Variants in SNX13 observed in about 807,000 individuals in gnomAD.
The protein encoded by SNX13 is sorting nexin 13.
SNX13 carries 45 observed loss-of-function variants against 133.6 expected under a neutral mutation model. The observed-to-expected ratio is 0.34, with a 90% CI of 0.27 to 0.43. The LOEUF (loss-of-function observed/expected upper bound fraction) is 0.43, where lower values mean the gene tolerates loss of function less well. SNX13 is among the 20% of genes least tolerant of loss of function. SNX13 has a pLI of 1.00. For synonymous variants in SNX13, 414 were observed against 373.9 expected (o/e 1.11, Z -1.24); for missense variants, 1,032 against 1,145.1 (o/e 0.90, Z 1.43).
intron 20 of SNX13, among the ~76,000 whole-genome samples, chr7:17,804,901 T>G (rs1785015993): frequency 6.6e-6 from 1 of 152,174 alleles, no homozygotes; most frequent in South Asian, 2.1e-4. Context: ...CACTCTAATT[T>G]TATTTTCATA....
At chr7:17,897,241 A>C in intron 2 of SNX13, 93 bp downstream of exon 2, 2 of 616,424 alleles carry the variant, frequency 3.2e-6, no homozygotes, top group Non-Finnish European at 4.9e-6. Context: ...AATGGCATTC[A>C]CAAATAAATC....
intron 1 of SNX13, among the ~76,000 whole-genome samples, chr7:17,924,113 G>C (rs1800449810): frequency 6.6e-6 from 1 of 152,060 alleles, no homozygotes; most frequent in Non-Finnish European, 1.5e-5. Flanking sequence ...GACACCAAAA[G>C]CAACAAGGTA....
intron 13 of SNX13, among the ~76,000 whole-genome samples, chr7:17,836,517 C>T (rs569861582): frequency 5.1e-4 from 78 of 151,926 alleles, no homozygotes; most frequent in Non-Finnish European, 7.2e-4. Flanking sequence ...AAAAACAAAA[C>T]AACAACAAAA....
At chr7:17,832,042 A>G in intron 15 of SNX13, 1 of 983,692 alleles carries the variant, frequency 1.0e-6, no homozygotes, top group African/African-American at 1.7e-5. Context: ...AATATTAGAG[A>G]GCAATGTCCT....
Position 17,799,019 on chromosome 7 carries a change from T to G in SNX13, c.2434A>C (p.Thr812Pro). The change falls in exon 23 of 26, where the codon ACT becomes CCT. Residue 812 changes from threonine to proline, a missense_variant. Coordinates refer to ENST00000428135, the MANE Select transcript of SNX13 (RefSeq NM_015132.5). The stretch of plus-strand genomic sequence containing the variant: ...AGGAAAGAGTGCTACCTATTAATAG[T>G]ATCGCCATATGTAGCTCTAATAAGC... ...QQLIRATYGD[T>P]INRKIVDHVD... 6.2e-7 allele frequency: 1 copy of G among 1,609,382 alleles called. No homozygotes were observed. The highest frequency in any genetic ancestry group is 8.5e-7 in the Non-Finnish European group (1 of 1,177,398).
intron 9 of SNX13, among the ~76,000 whole-genome samples, chr7:17,855,550 C>T (rs565647945): frequency 1.3e-5 from 2 of 152,174 alleles, no homozygotes; most frequent in South Asian, 2.1e-4. Flanking sequence ...AATTCTAGGG[C>T]CCTTAGGAAT....
intron 18 of SNX13, among the ~76,000 whole-genome samples, 176 bp from the exon 19 acceptor site, chr7:17,816,465 C>G (rs1786676527): frequency 6.6e-6 from 1 of 152,158 alleles, no homozygotes; most frequent in African/African-American, 2.4e-5. Context: ...AGTTTGAGAT[C>G]AGCCTGACCA....
chr7:17,875,859 TGAC>T, intron 5 of SNX13, 69 bp from the exon 6 acceptor site: 3 of 1,258,408 alleles, frequency 2.4e-6, no homozygotes, highest in Non-Finnish European at 3.3e-6. Flanking sequence ...TTCATTTTAA[TGAC>T]TACTGACAAA....
At chr7:17,807,156 A>G (rs1017470914) in intron 20 of SNX13, among the ~76,000 whole-genome samples, 1 of 152,110 alleles carries the variant, frequency 6.6e-6, no homozygotes, top group African/African-American at 2.4e-5. Flanking sequence ...CAAGTGGTCT[A>G]GCTCAGCAGA....
chr7:17,830,206 T>C, intron 15 of SNX13, 159 bp from the exon 16 acceptor site: 1 of 944,198 alleles, frequency 1.1e-6, no homozygotes. Context: ...CCCAAAAACT[T>C]GATCCCTTAA....
At chr7:17,903,706 A>C (rs1397509146) in intron 1 of SNX13, among the ~76,000 whole-genome samples, 1 of 152,156 alleles carries the variant, frequency 6.6e-6, no homozygotes, top group Non-Finnish European at 1.5e-5. Context: ...ACAAATCTTG[A>C]CTCTTTAACC....
intron 20 of SNX13, among the ~76,000 whole-genome samples, chr7:17,805,728 G>T (rs1562665130): frequency 6.6e-6 from 1 of 152,144 alleles, no homozygotes; most frequent in Non-Finnish European, 1.5e-5. Flanking sequence ...TACTACCATT[G>T]ATACTCTAAG....
chr7:17,806,131 G>A (rs1785270646), intron 20 of SNX13, among the ~76,000 whole-genome samples: 1 of 152,104 alleles, frequency 6.6e-6, no homozygotes, highest in Admixed American at 6.5e-5. Context: ...CACCCCAGCT[G>A]AGTTATTTGT....
chr7:17,811,123 A>C (rs1785963284), intron 20 of SNX13, among the ~76,000 whole-genome samples: 1 of 152,226 alleles, frequency 6.6e-6, no homozygotes, highest in Non-Finnish European at 1.5e-5. Context: ...ACTCCTGTTC[A>C]ACACAGTATT....
At chr7:17,905,577 C>G (rs767185755) in intron 1 of SNX13, among the ~76,000 whole-genome samples, 1 of 152,140 alleles carries the variant, frequency 6.6e-6, no homozygotes, top group Non-Finnish European at 1.5e-5. Context: ...CCAATTCTTT[C>G]CACCAAAATA....
chr7:17,884,468 A>T (rs1476684294), intron 5 of SNX13, among the ~76,000 whole-genome samples: 1 of 152,182 alleles, frequency 6.6e-6, no homozygotes, highest in Non-Finnish European at 1.5e-5. Flanking sequence ...AAACATAAGA[A>T]TTGTTTTTTC....
intron 8 of SNX13, among the ~76,000 whole-genome samples, chr7:17,868,908 G>A (rs1793720455): frequency 6.6e-6 from 1 of 152,044 alleles, no homozygotes; most frequent in Non-Finnish European, 1.5e-5. Flanking sequence ...GGCAACTACA[G>A]TACATTATCA....
At chr7:17,850,223 T>C in intron 11 of SNX13, 124 bp downstream of exon 11, 1 of 440,456 alleles carries the variant, frequency 2.3e-6, no homozygotes, top group Non-Finnish European at 3.8e-6. Context: ...GAAAACTCTT[T>C]TTAAAGTCCT....
At chr7:17,863,494 C>T (rs1218094125) in intron 9 of SNX13, among the ~76,000 whole-genome samples, 2 of 152,154 alleles carry the variant, frequency 1.3e-5, no homozygotes, top group African/African-American at 4.8e-5. Context: ...CGCAGTAAAA[C>T]CAAAAACCAG....
Sources: gnomAD v4.1 joint callset for allele counts (sites outside exome capture counted in the v4.1 genomes callset) on GRCh38, gnomAD v4.1.1 for gene constraint, MANE v1.5 for transcripts, NCBI Gene and HGNC (gene_info 2026-07-23, HGNC 2026-07-21) for gene names.